The following TOP6BL variants were observed in gnomAD, a reference collection of about 807,000 sequenced individuals.
The protein encoded by TOP6BL is type 2 DNA topoisomerase 6 subunit B-like.
the TOP6BL span, among the ~76,000 whole-genome samples, chr11:66,829,068 C>CAA: frequency 2.2e-3 from 72 of 33,038 alleles, no homozygotes; most frequent in South Asian, 3.1e-3. Context: ...GCCTCTGTCT[C>CAA]AAAAAAAAAA....
the TOP6BL span, among the ~76,000 whole-genome samples, chr11:66,812,671 A>G: frequency 6.6e-6 from 1 of 152,182 alleles, no homozygotes; most frequent in Non-Finnish European, 1.5e-5. Context: ...GAGGATGAAA[A>G]CGAATGAAAG....
chr11:66,785,229 G>A, the TOP6BL span, among the ~76,000 whole-genome samples: 1 of 151,878 alleles, frequency 6.6e-6, no homozygotes, highest in Non-Finnish European at 1.5e-5. Flanking sequence ...AAAGTGCTGG[G>A]ATTACAGGCA....
the TOP6BL span, among the ~76,000 whole-genome samples, chr11:66,746,834 C>T: frequency 1.3e-5 from 2 of 151,934 alleles, no homozygotes; most frequent in Non-Finnish European, 2.9e-5. Flanking sequence ...CATGATGATG[C>T]CATCACTGCA....
chr11:66,796,625 T>A, the TOP6BL span, among the ~76,000 whole-genome samples: 16 of 151,530 alleles, frequency 1.1e-4, no homozygotes, highest in Admixed American at 3.9e-4. Context: ...ACAAAAAAAA[T>A]TTTAAAAATT....
At chr11:66,830,541 G>A in the TOP6BL span, among the ~76,000 whole-genome samples, 1 of 152,018 alleles carries the variant, frequency 6.6e-6, no homozygotes, top group Non-Finnish European at 1.5e-5. Flanking sequence ...ATAAAGATCA[G>A]AATGGAAATC....
the TOP6BL span, among the ~76,000 whole-genome samples, chr11:66,812,322 G>A: frequency 1.3e-5 from 2 of 151,594 alleles, no homozygotes; most frequent in African/African-American, 4.8e-5. Flanking sequence ...GACTACAGGC[G>A]CCCGCCACTA....
the TOP6BL span, among the ~76,000 whole-genome samples, chr11:66,764,968 CA>C: frequency 0.021 from 2,728 of 126,960 alleles, 40 homozygotes; most frequent in South Asian, 0.051. Flanking sequence ...ATCTTGTCTC[CA>C]AAAAAAAAAA....
chr11:66,829,401 C>A, the TOP6BL span, among the ~76,000 whole-genome samples: 1 of 151,908 alleles, frequency 6.6e-6, no homozygotes, highest in African/African-American at 2.4e-5. Context: ...CATGGTGAAA[C>A]CCTGTCTCTA....
At chr11:66,816,424 A>T in the TOP6BL span, among the ~76,000 whole-genome samples, 1 of 152,246 alleles carries the variant, frequency 6.6e-6, no homozygotes, top group South Asian at 2.1e-4. Flanking sequence ...AAATCAGCAG[A>T]TACTTCATAT....
the TOP6BL span, among the ~76,000 whole-genome samples, chr11:66,823,859 G>T: frequency 6.6e-6 from 1 of 152,156 alleles, no homozygotes; most frequent in East Asian, 1.9e-4. Flanking sequence ...GACTAGATCA[G>T]TGATTCCTAA....
chr11:66,784,823 G>A, the TOP6BL span, among the ~76,000 whole-genome samples: 22 of 152,200 alleles, frequency 1.4e-4, no homozygotes, highest in East Asian at 4.0e-3. Flanking sequence ...CCTGCTATGA[G>A]CATTCATGTA....
At chr11:66,799,368 A>G in the TOP6BL span, among the ~76,000 whole-genome samples, 11 of 148,562 alleles carry the variant, frequency 7.4e-5, no homozygotes, top group African/African-American at 2.7e-4. Flanking sequence ...GCTGGGAGAC[A>G]GAGTGAGACT....
At chr11:66,808,277 A>G in the TOP6BL span, among the ~76,000 whole-genome samples, 6 of 152,182 alleles carry the variant, frequency 3.9e-5, no homozygotes, top group African/African-American at 1.4e-4. Context: ...GTTCACACCT[A>G]TAATCTCAGC....
the TOP6BL span, among the ~76,000 whole-genome samples, chr11:66,774,397 G>A: frequency 6.6e-6 from 1 of 151,778 alleles, no homozygotes; most frequent in Admixed American, 6.6e-5. Flanking sequence ...TATATGATAG[G>A]GCAAATCTCT....
At chr11:66,796,422 A>G in the TOP6BL span, 4 of 1,323,230 alleles carry the variant, frequency 3.0e-6, no homozygotes, top group African/African-American at 5.8e-5. Context: ...TTTTCCAGAG[A>G]CCTTTACTGT....
At chr11:66,787,849 T>C in the TOP6BL span, among the ~76,000 whole-genome samples, 2 of 152,108 alleles carry the variant, frequency 1.3e-5, no homozygotes, top group Non-Finnish European at 2.9e-5. Flanking sequence ...TACAAGAATA[T>C]CAGAACTATC....
At chr11:66,799,563 T>C in the TOP6BL span, among the ~76,000 whole-genome samples, 1 of 148,218 alleles carries the variant, frequency 6.7e-6, no homozygotes, top group African/African-American at 2.5e-5. Flanking sequence ...AATACAAATA[T>C]TAGCTGGGCA....
chr11:66,768,668 G>GTTTTTTTTT, the TOP6BL span, among the ~76,000 whole-genome samples: 3 of 115,468 alleles, frequency 2.6e-5, no homozygotes, highest in African/African-American at 3.2e-5. Context: ...TTTGTTTTTT[G>GTTTTTTTTT]TTTTTTTTTT....
the TOP6BL span, among the ~76,000 whole-genome samples, chr11:66,822,238 A>G: frequency 6.6e-6 from 1 of 151,146 alleles, no homozygotes. Context: ...GGAAAAAACA[A>G]CCACACTAAG....
Sources: gnomAD v4.1 joint callset for allele counts (sites outside exome capture counted in the v4.1 genomes callset) on GRCh38, gnomAD v4.1.1 for gene constraint, MANE v1.5 for transcripts, NCBI Gene and HGNC (gene_info 2026-07-23, HGNC 2026-07-21) for gene names.